RIMS1: variants seen among roughly 807,000 people sequenced by gnomAD.
The protein encoded by RIMS1 is regulating synaptic membrane exocytosis protein 1.
In RIMS1, 83 loss-of-function variants were observed where a neutral mutation model predicts 214.1. The observed-to-expected ratio is 0.39, with a 90% CI of 0.32 to 0.47. The LOEUF (loss-of-function observed/expected upper bound fraction) is 0.47. Ranked by LOEUF, RIMS1 falls within the 20% of genes least tolerant of loss-of-function variation. The pLI, the probability that RIMS1 is intolerant of heterozygous loss-of-function variation, is 0.99. For missense variants in RIMS1, 2,050 were observed against 2,161.8 expected (o/e 0.95, Z 1.03); for synonymous variants, 793 against 786.8 (o/e 1.01, Z -0.13).
At chr6:72,050,081 C>T (rs954828271) in intron 2 of RIMS1, among the ~76,000 whole-genome samples, 2 of 152,098 alleles carry the variant, frequency 1.3e-5, no homozygotes, top group Non-Finnish European at 2.9e-5. Flanking sequence ...TTGCACCTGA[C>T]CCCCACCCCT....
chr6:71,930,991 A>G (rs555441174), intron 1 of RIMS1, among the ~76,000 whole-genome samples: 1 of 152,144 alleles, frequency 6.6e-6, no homozygotes, highest in Non-Finnish European at 1.5e-5. Flanking sequence ...ATATAACTAA[A>G]TGCATATTAT....
intron 2 of RIMS1, among the ~76,000 whole-genome samples, chr6:72,054,641 T>C (rs1825673551): frequency 1.3e-5 from 2 of 152,188 alleles, no homozygotes; most frequent in Admixed American, 1.3e-4. Context: ...AGATGGCATC[T>C]CATTGTAGTT....
At chr6:72,055,374 A>G (rs79810237) in intron 2 of RIMS1, among the ~76,000 whole-genome samples, 1,699 of 152,338 alleles carry the variant, frequency 0.011, 35 homozygotes, top group African/African-American at 0.039. Context: ...ACTGATTCAA[A>G]GATGTGAATT....
At chr6:72,262,545 T>C (rs577640187) in intron 19 of RIMS1, 1 of 984,498 alleles carries the variant, frequency 1.0e-6, no homozygotes, top group African/African-American at 1.7e-5. Flanking sequence ...CTCTAATGTG[T>C]AATGCTAAAA....
At chr6:72,289,405 T>C (rs59562836) in intron 24 of RIMS1, among the ~76,000 whole-genome samples, 257 of 152,260 alleles carry the variant, frequency 1.7e-3, no homozygotes, top group Middle Eastern at 6.8e-3. Context: ...GAATAAACAG[T>C]TTTAATATAT....
At chr6:72,317,956 C>T (rs931224066) in intron 28 of RIMS1, among the ~76,000 whole-genome samples, 1 of 152,066 alleles carries the variant, frequency 6.6e-6, no homozygotes, top group Admixed American at 6.5e-5. Context: ...GCGATTTAAC[C>T]TTTTATCATT....
At chr6:72,001,481 C>T (rs1380780384) in intron 2 of RIMS1, among the ~76,000 whole-genome samples, 1 of 152,056 alleles carries the variant, frequency 6.6e-6, no homozygotes, top group Admixed American at 6.6e-5. Context: ...GTTACTGATG[C>T]CTTTTTCTCT....
chr6:72,257,288 C>G (rs574104474), intron 16 of RIMS1, among the ~76,000 whole-genome samples: 1 of 151,544 alleles, frequency 6.6e-6, no homozygotes, highest in South Asian at 2.1e-4. Context: ...AAACTCTAAA[C>G]TCTTCTTTTG....
intron 1 of RIMS1, among the ~76,000 whole-genome samples, chr6:71,890,320 C>T (rs996673545): frequency 7.1e-6 from 1 of 141,742 alleles, no homozygotes; most frequent in African/African-American, 2.7e-5. Flanking sequence ...ATAGTTGGCT[C>T]CCACAAATTA....
chr6:72,315,980 CTAAT>C (rs1221692627), intron 28 of RIMS1, among the ~76,000 whole-genome samples: 1 of 151,990 alleles, frequency 6.6e-6, no homozygotes, highest in East Asian at 1.9e-4. Context: ...GTTTACTCAG[CTAAT>C]TAATTATAAT....
At chr6:71,916,849 G>T (rs748507530) in intron 1 of RIMS1, among the ~76,000 whole-genome samples, 30 of 152,078 alleles carry the variant, frequency 2.0e-4, no homozygotes, top group Non-Finnish European at 3.8e-4. Flanking sequence ...GTTAGGATGG[G>T]AAGTGGGACA....
intron 29 of RIMS1, among the ~76,000 whole-genome samples, chr6:72,344,724 GT>G (rs1011081620): frequency 2.0e-5 from 3 of 151,682 alleles, no homozygotes; most frequent in Non-Finnish European, 4.4e-5. Context: ...ATTCACTACT[GT>G]TAATAGAGAT....
chr6:72,003,101 G>A (rs1805892358), intron 2 of RIMS1, among the ~76,000 whole-genome samples: 1 of 152,186 alleles, frequency 6.6e-6, no homozygotes. Context: ...TGAAGTAGGG[G>A]AAGAGATGAG....
At chr6:72,188,634 T>C (rs574561455) in intron 6 of RIMS1, among the ~76,000 whole-genome samples, 4 of 152,256 alleles carry the variant, frequency 2.6e-5, no homozygotes, top group African/African-American at 9.6e-5. Flanking sequence ...ACCCATTCTT[T>C]ATTTCCTTTG....
chr6:71,920,883 A>G (rs377220205), intron 1 of RIMS1, among the ~76,000 whole-genome samples: 1 of 152,232 alleles, frequency 6.6e-6, no homozygotes, highest in African/African-American at 2.4e-5. Flanking sequence ...ACCAACAAAT[A>G]AGGTGTTGTA....
At chr6:72,269,459 T>C (rs1040925119) in intron 22 of RIMS1, among the ~76,000 whole-genome samples, 1 of 152,190 alleles carries the variant, frequency 6.6e-6, no homozygotes, top group African/African-American at 2.4e-5. Flanking sequence ...CCAATACATA[T>C]GAAGACAACC....
chr6:71,912,476 A>G (rs1207817457), intron 1 of RIMS1, among the ~76,000 whole-genome samples: 2 of 152,152 alleles, frequency 1.3e-5, no homozygotes, highest in African/African-American at 2.4e-5. Flanking sequence ...TATAACTGCT[A>G]TTAAATTGTA....
At chr6:72,112,969 T>A (rs1414861650) in intron 4 of RIMS1, among the ~76,000 whole-genome samples, 1 of 152,162 alleles carries the variant, frequency 6.6e-6, no homozygotes, top group African/African-American at 2.4e-5. Flanking sequence ...GTCAGCTTCA[T>A]GTTACCAGGG....
intron 26 of RIMS1, among the ~76,000 whole-genome samples, chr6:72,305,219 G>A (rs1442492997): frequency 6.6e-6 from 1 of 152,040 alleles, no homozygotes; most frequent in Non-Finnish European, 1.5e-5. Context: ...CCCTAGATCT[G>A]TGTCAGACTG....
Sources: allele counts gnomAD v4.1 joint callset (sites outside exome capture counted in the v4.1 genomes callset), GRCh38; gene constraint gnomAD v4.1.1; transcripts MANE v1.5; gene names NCBI Gene and HGNC (gene_info 2026-07-23, HGNC 2026-07-21).